SLC9C2: variants seen among roughly 807,000 people sequenced by gnomAD.
SLC9C2 encodes the protein sodium/hydrogen exchanger 11.
A neutral mutation model predicts 140.2 loss-of-function variants in SLC9C2; 75 were observed. The ratio of observed to expected loss-of-function variants is 0.53; its 90% CI spans 0.44 to 0.65. The LOEUF (loss-of-function observed/expected upper bound fraction) is 0.65. Ranked by LOEUF, SLC9C2 falls within the 30% of genes least tolerant of loss-of-function variation. SLC9C2 has a pLI of 0.00. For missense variants in SLC9C2, 1,074 were observed against 1,331.8 expected, an observed-to-expected ratio of 0.81 and a Z score of 3.01; for synonymous variants, 375 against 420.9, an observed-to-expected ratio of 0.89 and a Z score of 1.34.
chr1:173,526,534 T>G (rs1661211069), intron 19 of SLC9C2, 129 bp downstream of exon 19: 2 of 822,286 alleles, frequency 2.4e-6, no homozygotes, highest in Non-Finnish European at 4.0e-6. Context: ...CCATTAGCTG[T>G]GTTTAATAAA....
rs184041340 is a variant in SLC9C2 at position 173,595,332 on chromosome 1, G to A, written c.357+2572C>T. Among the ~76,000 whole-genome samples the A allele has an allele frequency of 2.0e-5, 3 of 152,102 alleles. No homozygotes were observed. The East Asian group carries it at 5.8e-4, about 29-fold the overall frequency. On this transcript the variant is annotated intron_variant, in intron 4 of 27. Coordinates refer to ENST00000367714, the MANE Select transcript of SLC9C2 (RefSeq NM_178527.4). ...AATCTCAAGATGGATATTCATTCTA[G>A]CCCACTGGAGGGCTCCAGGCAGAAA... is the stretch of plus-strand genomic sequence containing the variant.
At chr1:173,530,346 G>A (rs1661495195) in intron 17 of SLC9C2, among the ~76,000 whole-genome samples, 1 of 152,102 alleles carries the variant, frequency 6.6e-6, no homozygotes, top group South Asian at 2.1e-4. Flanking sequence ...TTGCTTTAGG[G>A]GAAAGTCTCT....
At chr1:173,511,329 C>T (rs972033780) in intron 23 of SLC9C2, among the ~76,000 whole-genome samples, 3 of 151,920 alleles carry the variant, frequency 2.0e-5, no homozygotes, top group Non-Finnish European at 4.4e-5. Context: ...CGTGCCTGGC[C>T]CATTTCCTGA....
intron 17 of SLC9C2, among the ~76,000 whole-genome samples, chr1:173,532,201 T>C (rs1661627178): frequency 6.6e-6 from 1 of 152,136 alleles, no homozygotes; most frequent in Admixed American, 6.6e-5. Context: ...GAATGGGAAG[T>C]AGGTGGAGGA....
chr1:173,562,892 G>A (rs1038474704), intron 9 of SLC9C2, among the ~76,000 whole-genome samples: 18 of 151,962 alleles, frequency 1.2e-4, no homozygotes, highest in East Asian at 3.9e-4. Context: ...ATTTCACTGC[G>A]GAAACAAACA....
rs572123534 is a variant in SLC9C2 at position 173,510,371 on chromosome 1, G to T, written c.2908-672C>A. Among the ~76,000 whole-genome samples, 68 of 152,222 alleles carry T rather than the reference G, an allele frequency of 4.5e-4. 1 individual carries two copies. The highest frequency in any genetic ancestry group is 1.6e-3 in the African/African-American group (67 of 41,532). ...CAGGATACAAGTACAGAATGCGTAGGTTTGTTACTTAGGTCTACGTGTGCC... is the reference window on the plus strand; with the variant it reads ...CAGGATACAAGTACAGAATGCGTAGTTTTGTTACTTAGGTCTACGTGTGCC... On this transcript the variant is annotated intron_variant, in intron 23 of 27. Transcript: ENST00000367714.
intron 11 of SLC9C2, among the ~76,000 whole-genome samples, chr1:173,552,202 G>A (rs545261700): frequency 1.2e-4 from 18 of 152,292 alleles, no homozygotes; most frequent in Admixed American, 5.2e-4. Context: ...AGGAGCTAGC[G>A]GAGATTGGTT....
At chr1:173,521,195 TA>T in intron 22 of SLC9C2, 105 bp downstream of exon 22, 1 of 604,566 alleles carries the variant, frequency 1.7e-6, no homozygotes. Flanking sequence ...TTCATCACAT[TA>T]AAAATTTAAA....
chr1:173,526,534 T>C, intron 19 of SLC9C2, 129 bp downstream of exon 19: 3 of 822,286 alleles, frequency 3.6e-6, no homozygotes, highest in Non-Finnish European at 5.9e-6. Flanking sequence ...CCATTAGCTG[T>C]GTTTAATAAA....
rs1661080913 is a variant in SLC9C2 at position 173,524,803 on chromosome 1, C to G, written c.2490G>C (p.Lys830Asn). The change falls in exon 20 of 28, where the codon AAG becomes AAC. Residue 830 changes from lysine to asparagine, a missense_variant. Lys to Asn is a moderately conservative substitution (Grantham distance 94). Coordinates refer to ENST00000367714, the MANE Select transcript of SLC9C2 (RefSeq NM_178527.4). ...TFLCSRGIID[K>N]HEVIEINKVL... ...CCTTATTTATCTCAATGACTTCATG[C>G]TTATCAATAATGCCTCTTGAACAAA... is the stretch of plus-strand genomic sequence containing the variant. 3 of 1,613,834 alleles carry G rather than the reference C, an allele frequency of 1.9e-6. No individual in the cohort carries two copies. Among genetic ancestry groups the G allele is most frequent in the Non-Finnish European group, 2.5e-6 (3 of 1,179,922 alleles).
At chr1:173,501,902 G>A (rs1659299274) in intron 27 of SLC9C2, among the ~76,000 whole-genome samples, 1 of 152,074 alleles carries the variant, frequency 6.6e-6, no homozygotes, top group Middle Eastern at 3.2e-3. Context: ...ATAAATAACA[G>A]TGGCAGGACC....
chr1:173,583,324 T>A (rs1665662826), intron 6 of SLC9C2, among the ~76,000 whole-genome samples, 182 bp downstream of exon 6: 1 of 152,226 alleles, frequency 6.6e-6, no homozygotes, highest in Non-Finnish European at 1.5e-5. Flanking sequence ...ATTTTTGATC[T>A]GCAGTTGGTT....
At chr1:173,576,918 G>A (rs1665217563) in intron 7 of SLC9C2, among the ~76,000 whole-genome samples, 158 bp from the exon 8 acceptor site, 2 of 152,196 alleles carry the variant, frequency 1.3e-5, no homozygotes, top group South Asian at 2.1e-4. Context: ...TAAACCTGGG[G>A]CTGGCAAACT....
At chr1:173,600,948 T>C (rs1193073039) in intron 2 of SLC9C2, among the ~76,000 whole-genome samples, 3 of 152,230 alleles carry the variant, frequency 2.0e-5, no homozygotes, top group African/African-American at 7.2e-5. Context: ...CTATTTTTCC[T>C]TTTTCCTAAT....
chr1:173,566,781 A>AG (rs1308357084), intron 9 of SLC9C2, among the ~76,000 whole-genome samples: 1 of 129,658 alleles, frequency 7.7e-6, no homozygotes, highest in East Asian at 3.4e-4. Flanking sequence ...ATTTGCTTGG[A>AG]GTTTTTTTTT....
chr1:173,526,823 T>C, intron 18 of SLC9C2, 109 bp from the exon 19 acceptor site: 2 of 759,200 alleles, frequency 2.6e-6, no homozygotes, highest in Non-Finnish European at 4.2e-6. Flanking sequence ...ATACTTATTA[T>C]ACCAAGTATA....
intron 18 of SLC9C2, among the ~76,000 whole-genome samples, chr1:173,527,642 G>A (rs762167227): frequency 2.6e-5 from 4 of 152,094 alleles, no homozygotes; most frequent in Non-Finnish European, 4.4e-5. Flanking sequence ...TTGAGTCACT[G>A]GGGAGTTTGC....
At chr1:173,555,464 A>G (rs1663609370) in intron 10 of SLC9C2, 2 of 152,218 alleles carry the variant, frequency 1.3e-5, no homozygotes, top group South Asian at 2.1e-4. Context: ...ACACTTGACT[A>G]ATAACAACAA....
At chr1:173,601,510 A>C (rs1666782167) in intron 2 of SLC9C2, 140 bp downstream of exon 2, 1 of 888,906 alleles carries the variant, frequency 1.1e-6, no homozygotes, top group South Asian at 1.8e-5. Context: ...AATTAAATGA[A>C]GCGAGATTGA....
Sources: gnomAD v4.1 joint callset for allele counts (sites outside exome capture counted in the v4.1 genomes callset) on GRCh38, gnomAD v4.1.1 for gene constraint, MANE v1.5 for transcripts, NCBI Gene and HGNC (gene_info 2026-07-23, HGNC 2026-07-21) for gene names.